CACNA2D1: variants seen among roughly 807,000 people sequenced by gnomAD.
CACNA2D1 encodes the protein calcium voltage-gated channel auxiliary subunit alpha2delta 1.
Under a neutral mutation model 171.5 loss-of-function variants are expected in CACNA2D1, and 53 were observed. That is an observed-to-expected ratio of 0.31 (90% CI 0.25 to 0.39). The LOEUF (loss-of-function observed/expected upper bound fraction) is 0.39. Ranked by LOEUF, CACNA2D1 falls within the 10% of genes least tolerant of loss-of-function variation. CACNA2D1 has a pLI of 1.00. For missense variants in CACNA2D1, 903 were observed against 1,299.8 expected (o/e 0.69, Z 4.69); for synonymous variants, 442 against 443.1 (o/e 1.00, Z 0.03).
intron 1 of CACNA2D1, among the ~76,000 whole-genome samples, chr7:82,397,010 G>T (rs1432809269): frequency 1.3e-5 from 2 of 152,098 alleles, no homozygotes; most frequent in Admixed American, 1.3e-4. Flanking sequence ...CTTATGCATT[G>T]ATTTCTTCAT....
intron 3 of CACNA2D1, among the ~76,000 whole-genome samples, chr7:82,274,014 A>G (rs1031085953): frequency 1.5e-4 from 23 of 152,130 alleles, no homozygotes; most frequent in African/African-American, 4.8e-4. Flanking sequence ...AGAAGACCAT[A>G]TGTCATTTGA....
At chr7:82,011,253 AC>A (rs1799738481) in intron 15 of CACNA2D1, among the ~76,000 whole-genome samples, 1 of 152,126 alleles carries the variant, frequency 6.6e-6, no homozygotes, top group Admixed American at 6.6e-5. Flanking sequence ...CCTAAAATAC[AC>A]TAATACTAAC....
chr7:82,170,957 T>C (rs902098289), intron 3 of CACNA2D1, among the ~76,000 whole-genome samples: 3 of 152,084 alleles, frequency 2.0e-5, no homozygotes, highest in African/African-American at 7.2e-5. Flanking sequence ...ATCTTATTTT[T>C]AGTAAATACC....
chr7:82,402,705 C>CAAA (rs59290672), intron 1 of CACNA2D1, among the ~76,000 whole-genome samples: 336 of 64,280 alleles, frequency 5.2e-3, no homozygotes, highest in Non-Finnish European at 7.0e-3. Flanking sequence ...GACTCTGTCT[C>CAAA]AAAAAAAAAA....
At chr7:82,261,833 G>A (rs2129333250) in intron 3 of CACNA2D1, among the ~76,000 whole-genome samples, 1 of 152,210 alleles carries the variant, frequency 6.6e-6, no homozygotes, top group East Asian at 1.9e-4. Context: ...TTCTTTGGAT[G>A]TAACACTAAG....
chr7:82,022,222 A>AACACAC (rs71520795), intron 12 of CACNA2D1, among the ~76,000 whole-genome samples: 21,831 of 145,756 alleles, frequency 0.15, 1,960 homozygotes, highest in African/African-American at 0.26. Flanking sequence ...CAGAGACAAG[A>AACACAC]ACACACACAC....
intron 38 of CACNA2D1, among the ~76,000 whole-genome samples, chr7:81,958,671 A>G (rs183394691): frequency 1.6e-4 from 24 of 151,924 alleles, no homozygotes; most frequent in Middle Eastern, 3.4e-3. Context: ...TATATTAAAT[A>G]TGATTTGTAA....
intron 3 of CACNA2D1, among the ~76,000 whole-genome samples, chr7:82,241,214 C>T (rs937670849): frequency 1.3e-5 from 2 of 152,074 alleles, no homozygotes; most frequent in East Asian, 1.9e-4. Flanking sequence ...ACCCTGATTA[C>T]GAATCAGACA....
At chr7:82,294,072 C>T (rs1936258430) in intron 3 of CACNA2D1, among the ~76,000 whole-genome samples, 1 of 151,964 alleles carries the variant, frequency 6.6e-6, no homozygotes, top group African/African-American at 2.4e-5. Context: ...TTATTTTATT[C>T]CAATGGGGCA....
At chr7:82,095,382 C>A (rs115641458) in intron 6 of CACNA2D1, among the ~76,000 whole-genome samples, 3,322 of 152,082 alleles carry the variant, frequency 0.022, 123 homozygotes, top group African/African-American at 0.076. Context: ...TATGTGTGTG[C>A]CTTCTATTAT....
At chr7:82,215,435 A>G (rs1801000206) in intron 3 of CACNA2D1, among the ~76,000 whole-genome samples, 1 of 152,186 alleles carries the variant, frequency 6.6e-6, no homozygotes, top group African/African-American at 2.4e-5. Context: ...TGTTTCAGTA[A>G]CAGTATCAGA....
chr7:82,141,283 C>T (rs1231594722), intron 4 of CACNA2D1, among the ~76,000 whole-genome samples: 1 of 151,800 alleles, frequency 6.6e-6, no homozygotes, highest in Non-Finnish European at 1.5e-5. Context: ...TGATTCACAC[C>T]AAATCAACTA....
chr7:82,087,729 CT>C (rs1459557004), intron 6 of CACNA2D1, among the ~76,000 whole-genome samples: 3 of 152,022 alleles, frequency 2.0e-5, no homozygotes, highest in Admixed American at 1.3e-4. Context: ...AAAGACCAGA[CT>C]TTTTTTCTTC....
chr7:82,081,101 G>A (rs1280125562), intron 7 of CACNA2D1, among the ~76,000 whole-genome samples: 1 of 152,146 alleles, frequency 6.6e-6, no homozygotes, highest in African/African-American at 2.4e-5. Flanking sequence ...TAGCCTGAGG[G>A]TCAAGTCTTC....
At chr7:82,296,264 A>AT (rs1812275086) in intron 3 of CACNA2D1, among the ~76,000 whole-genome samples, 1 of 149,690 alleles carries the variant, frequency 6.7e-6, no homozygotes. Context: ...TATAATAATA[A>AT]TTAAAAAAAA....
In CACNA2D1 at chr7:82,285,299, A is replaced by G. The variant is rs185809839; in HGVS notation, c.294+49836T>C. On this transcript the variant is annotated intron_variant, in intron 3 of 38. Coordinates refer to ENST00000356860, the MANE Select transcript of CACNA2D1 (RefSeq NM_000722.4). ...TTTTGTGGTAATGCCTCTCATGGTC[A>G]TATCTTTCCTCAATCAGGCCCCAAA... Among the ~76,000 whole-genome samples, 765 of 146,384 alleles carry G rather than the reference A, an allele frequency of 5.2e-3. 15 individuals are homozygous for G. The East Asian group carries it at 0.079, about 15-fold the overall frequency.
chr7:82,154,179 G>A (rs963475637), intron 4 of CACNA2D1, among the ~76,000 whole-genome samples: 1 of 152,170 alleles, frequency 6.6e-6, no homozygotes, highest in African/African-American at 2.4e-5. Context: ...CATAACGTCT[G>A]TGTGTCTCAC....
chr7:82,162,348 G>C (rs376380870), intron 4 of CACNA2D1, among the ~76,000 whole-genome samples: 1 of 151,844 alleles, frequency 6.6e-6, no homozygotes, highest in Non-Finnish European at 1.5e-5. Flanking sequence ...TGGATGAAAA[G>C]ATAAAGTGAA....
intron 3 of CACNA2D1, among the ~76,000 whole-genome samples, chr7:82,326,238 G>C (rs1034145765): frequency 1.3e-5 from 2 of 152,204 alleles, no homozygotes; most frequent in Non-Finnish European, 2.9e-5. Flanking sequence ...TAAAAGCTTA[G>C]TGATATTTTT....
Sources: allele counts gnomAD v4.1 joint callset (sites outside exome capture counted in the v4.1 genomes callset), GRCh38; gene constraint gnomAD v4.1.1; transcripts MANE v1.5; gene names NCBI Gene and HGNC (gene_info 2026-07-23, HGNC 2026-07-21).